Variants in ATP13A3 observed in about 807,000 individuals in gnomAD.
The protein encoded by ATP13A3 is ATPase 13A3.
Under a neutral mutation model 158.1 loss-of-function variants are expected in ATP13A3, and 59 were observed. The ratio of observed to expected loss-of-function variants is 0.37; its 90% CI spans 0.30 to 0.46. The LOEUF (loss-of-function observed/expected upper bound fraction) is 0.46. Ranked by LOEUF, ATP13A3 falls within the 20% of genes least tolerant of loss-of-function variation. The pLI is 1.00. For missense variants in ATP13A3, 1,166 were observed against 1,525.2 expected, an observed-to-expected ratio of 0.76 and a Z score of 3.92; for synonymous variants, 491 against 504.3, an observed-to-expected ratio of 0.97 and a Z score of 0.35.
At chr3:194,408,658 TA>T (rs1474945159) in intron 33 of ATP13A3, among the ~76,000 whole-genome samples, 1 of 152,212 alleles carries the variant, frequency 6.6e-6, no homozygotes, top group Admixed American at 6.5e-5. Context: ...TCACAATTTT[TA>T]AAAAGTCATG....
Position 194,448,038 on chromosome 3 carries a change from A to AT in ATP13A3, c.1151-30dup. 2 of 1,544,248 alleles carry AT rather than the reference A, an allele frequency of 1.3e-6. No homozygotes were observed. Among genetic ancestry groups the AT allele is most frequent in the South Asian group, 2.3e-5 (2 of 85,662 alleles). Reference sequence around the variant, plus strand: ...TCAAAAAAAGAAGACAATTATTGATATTTTTATAAGAAAATGAGAATTATC... The same window carrying AT: ...TCAAAAAAAGAAGACAATTATTGATATTTTTTATAAGAAAATGAGAATTATC... On this transcript the variant is annotated intron_variant, in intron 12 of 33. Transcript: ENST00000645319. This position sits in a 1 kb window ranked among gnomAD's most constrained non-coding sequence, Gnocchi z 4.0.
chr3:194,457,069 C>G (rs781118426), intron 7 of ATP13A3, 25 bp downstream of exon 7: 4 of 1,573,876 alleles, frequency 2.5e-6, no homozygotes, highest in African/African-American at 2.7e-5. Flanking sequence ...TTGAGAAGAT[C>G]TAACTTTAGT....
At position 194,448,038 on chromosome 3, in the gene ATP13A3, A is replaced by G; in HGVS notation, c.1151-29T>C. The G allele has an allele frequency of 6.5e-7, 1 of 1,544,248 alleles. No individual in the cohort carries two copies. Among genetic ancestry groups the G allele is most frequent in the Non-Finnish European group, 8.9e-7 (1 of 1,129,202 alleles). The stretch of plus-strand genomic sequence containing the variant: ...TCAAAAAAAGAAGACAATTATTGAT[A>G]TTTTTATAAGAAAATGAGAATTATC... On this transcript the variant is annotated intron_variant, in intron 12 of 33. Transcript: ENST00000645319. This position sits in a 1 kb window ranked among gnomAD's most constrained non-coding sequence, Gnocchi z 4.0.
At chr3:194,476,805 T>C (rs868285458) in intron 2 of ATP13A3, among the ~76,000 whole-genome samples, 2 of 151,456 alleles carry the variant, frequency 1.3e-5, no homozygotes, top group African/African-American at 4.9e-5. Context: ...TGAACTAGAT[T>C]AAATAATATT....
At chr3:194,443,527 A>G (rs956579488) in intron 15 of ATP13A3, among the ~76,000 whole-genome samples, 2 of 152,202 alleles carry the variant, frequency 1.3e-5, no homozygotes, top group Non-Finnish European at 2.9e-5. Flanking sequence ...AACATCAGGC[A>G]AAAGAAAGCT....
At chr3:194,449,871 G>A (rs939901093) in intron 11 of ATP13A3, among the ~76,000 whole-genome samples, 16 of 151,956 alleles carry the variant, frequency 1.1e-4, no homozygotes, top group Non-Finnish European at 1.3e-4. Flanking sequence ...GGAAAAGGCC[G>A]CCTTTCCACT....
chr3:194,427,299 A>G lies in ATP13A3; in HGVS notation c.2948-47T>C, dbSNP rs772216332. On this transcript the variant is annotated intron_variant, in intron 28 of 33. Coordinates refer to ENST00000645319, the MANE Select transcript of ATP13A3 (RefSeq NM_001367549.1). ...GAAAGGTTTGTATTTACATTAATCT[A>G]TCACTATATAAGGCATAACTAGATT... The G allele has an allele frequency of 2.5e-5, 38 of 1,502,378 alleles. No individual in the cohort carries two copies. The South Asian group carries it at 4.8e-4, about 19-fold the overall frequency. 93.1% of individuals were successfully genotyped at this position (1,502,378 alleles called of 1,614,324 possible).
At chr3:194,452,686 C>T (rs564393988) in intron 10 of ATP13A3, 1 of 152,040 alleles carries the variant, frequency 6.6e-6, no homozygotes, top group South Asian at 2.1e-4. Flanking sequence ...GTATTTAGAA[C>T]CCTCTTCTCT....
intron 14 of ATP13A3, among the ~76,000 whole-genome samples, chr3:194,445,542 G>A (rs1718343951): frequency 6.6e-6 from 1 of 152,088 alleles, no homozygotes; most frequent in South Asian, 2.1e-4. Context: ...GATAAAGCTG[G>A]GTAATGAGTA....
chr3:194,421,804 T>C (rs909765328), intron 30 of ATP13A3, among the ~76,000 whole-genome samples: 1 of 151,922 alleles, frequency 6.6e-6, no homozygotes. Context: ...AGAACATAAA[T>C]GGCAGAGAGA....
intron 14 of ATP13A3, among the ~76,000 whole-genome samples, chr3:194,445,642 T>A (rs2108886162): frequency 6.6e-6 from 1 of 152,368 alleles, no homozygotes; most frequent in African/African-American, 2.4e-5. Context: ...TAAGTGAAAT[T>A]TTTTGAACTG....
At chr3:194,408,020 C>A (rs1050540181) in intron 33 of ATP13A3, among the ~76,000 whole-genome samples, 1 of 149,620 alleles carries the variant, frequency 6.7e-6, no homozygotes, top group Non-Finnish European at 1.5e-5. Flanking sequence ...AAAGCTGTCA[C>A]CTTTTTTTTT....
intron 14 of ATP13A3, among the ~76,000 whole-genome samples, chr3:194,445,518 A>C (rs1718342115): frequency 1.3e-5 from 2 of 152,210 alleles, no homozygotes; most frequent in Non-Finnish European, 2.9e-5. Context: ...AAGACTGACA[A>C]TGTGTTGATA....
intron 30 of ATP13A3, among the ~76,000 whole-genome samples, chr3:194,423,873 T>C (rs1716566845): frequency 6.7e-6 from 1 of 148,556 alleles, no homozygotes; most frequent in Non-Finnish European, 1.5e-5. Flanking sequence ...GGTAGATCTC[T>C]AAAATTAACT....
At chr3:194,418,479 A>C (rs1470544351) in intron 31 of ATP13A3, among the ~76,000 whole-genome samples, 1 of 152,194 alleles carries the variant, frequency 6.6e-6, no homozygotes, top group Non-Finnish European at 1.5e-5. Context: ...AAAATTTTTA[A>C]AAAAGACAAC....
In ATP13A3 at chr3:194,413,747, G is replaced by T; in HGVS notation, c.3483+12C>A. 6.2e-7 allele frequency: 1 copy of T among 1,604,276 alleles called. No homozygotes were observed. Among genetic ancestry groups the T allele is most frequent in the Non-Finnish European group, 8.5e-7 (1 of 1,171,058 alleles). ...AGCAACATGGTAGCCATTTGACTAT[G>T]GAAGTGCTTACCTCCACTGTGATAG... On this transcript the variant is annotated intron_variant, in intron 32 of 33. Transcript: ENST00000645319.
At position 194,412,182 on chromosome 3, in the gene ATP13A3, A is replaced by G. The variant is rs1443884465; in HGVS notation, c.3573+17T>C. On this transcript the variant is annotated intron_variant, in intron 33 of 33. Coordinates refer to ENST00000645319, the MANE Select transcript of ATP13A3 (RefSeq NM_001367549.1). ...TAGAGAGGCAGCAAGAATTGACAGG[A>G]AGTGCTGAGTTCCAACCTGCGGTGG... The G allele has an allele frequency of 6.5e-7, 1 of 1,530,968 alleles. No homozygotes were observed. 94.8% of individuals were successfully genotyped at this position (1,530,968 alleles called of 1,614,324 possible).
chr3:194,488,275 G>A (rs1038804589), upstream of ATP13A3: 1 of 152,388 alleles, frequency 6.6e-6, no homozygotes, highest in Non-Finnish European at 1.5e-5. The surrounding 1 kb of genome is among the most constrained non-coding windows in gnomAD (Gnocchi z 4.1). Flanking sequence ...CAAACCACAA[G>A]AAAACGGTCT....
At chr3:194,468,581 A>G (rs1577087581) in intron 2 of ATP13A3, among the ~76,000 whole-genome samples, 1 of 152,298 alleles carries the variant, frequency 6.6e-6, no homozygotes, top group East Asian at 1.9e-4. Flanking sequence ...AAACAAGATC[A>G]GTTGTTTTCA....
Sources: gnomAD v4.1 joint callset for allele counts (sites outside exome capture counted in the v4.1 genomes callset) on GRCh38, gnomAD v4.1.1 for gene constraint, Gnocchi (gnomAD v3.1) non-coding constraint, MANE v1.5 for transcripts, NCBI Gene and HGNC (gene_info 2026-07-23, HGNC 2026-07-21) for gene names.